PLEKHG3: variants seen among roughly 807,000 people sequenced by gnomAD.
The protein encoded by PLEKHG3 is pleckstrin homology and RhoGEF domain containing G3.
A neutral mutation model predicts 94.9 loss-of-function variants in PLEKHG3; 62 were observed. The ratio of observed to expected loss-of-function variants is 0.65; its 90% CI spans 0.53 to 0.81. PLEKHG3 has a LOEUF of 0.81. Ranked by LOEUF, PLEKHG3 falls within the 30% of genes least tolerant of loss-of-function variation. The pLI, the probability that PLEKHG3 is intolerant of heterozygous loss-of-function variation, is 0.00. For synonymous variants in PLEKHG3, 614 were observed against 654.0 expected (o/e 0.94, Z 0.93); for missense variants, 1,461 against 1,619.3 (o/e 0.90, Z 1.68).
chr14:64,721,445 C>A lies in PLEKHG3; in HGVS notation c.-39-6148C>A, dbSNP rs74056398. 9.3e-3 allele frequency among the ~76,000 whole-genome samples: 1,418 copies of A among 152,284 alleles called. 21 individuals are homozygous for A. The highest frequency in any genetic ancestry group is 0.032 in the African/African-American group (1,342 of 41,554). On this transcript the variant is annotated intron_variant, in intron 1 of 16. Transcript: ENST00000247226. The surrounding 1 kb of genome is among the most constrained non-coding windows in gnomAD (Gnocchi z 4.3). ...GGAGGGCTCCCCTGGCAACACAATC[C>A]TTTTCCTTCCTGGCAGCTGTGGTCC...
chr14:64,730,632 CTCT>C lies in PLEKHG3; in HGVS notation c.520-5_520-3del. 1 of 1,604,850 alleles carries C rather than the reference CTCT, an allele frequency of 6.2e-7. No homozygotes were observed. The highest frequency in any genetic ancestry group is 8.5e-7 in the Non-Finnish European group (1 of 1,172,786). ...TCTCCCTGAAATCACTATTTTTGAT[CTCT>C]TCTTAGAGCCAAGAGTTTGATATCT... On this transcript the variant is annotated splice_region_variant and splice_polypyrimidine_tract_variant and intron_variant, in intron 4 of 16. Transcript: ENST00000247226. The surrounding 1 kb of genome is among the most constrained non-coding windows in gnomAD (Gnocchi z 5.4).
Position 64,718,378 on chromosome 14 carries a change from T to C in PLEKHG3, c.-39-9215T>C, listed in dbSNP as rs1299573059. ...TGAATTCCCAAACTGGAGGCAGTCT[T>C]GAACTCCCATACTGCTCATGCCTGG... is the stretch of plus-strand genomic sequence containing the variant. On this transcript the variant is annotated intron_variant, in intron 1 of 16. Coordinates refer to ENST00000247226, the MANE Select transcript of PLEKHG3 (RefSeq NM_001308147.2). The surrounding 1 kb of genome is among the most constrained non-coding windows in gnomAD (Gnocchi z 5.0). Among the ~76,000 whole-genome samples the C allele has an allele frequency of 6.6e-6, 1 of 152,184 alleles. No homozygotes were observed. The highest frequency in any genetic ancestry group is 1.9e-4 in the East Asian group (1 of 5,180).
Position 64,738,679 on chromosome 14 carries a change from G to T in PLEKHG3, c.1405-63G>T. On this transcript the variant is annotated intron_variant, in intron 14 of 16. Coordinates refer to ENST00000247226, the MANE Select transcript of PLEKHG3 (RefSeq NM_001308147.2). This position sits in a 1 kb window ranked among gnomAD's most constrained non-coding sequence, Gnocchi z 4.8. ...GGGCGTGGGAGGCACTGCCCGTGTT[G>T]GGATGCAGAAGGGATCAGCTTCCAG... 1 of 1,177,284 alleles carries T rather than the reference G, an allele frequency of 8.5e-7. No homozygotes were observed. Among genetic ancestry groups the T allele is most frequent in the East Asian group, 2.6e-5 (1 of 39,160 alleles). The allele number at this position is 1,177,284 out of a possible 1,614,324, so 72.9% of individuals were successfully genotyped here.
chr14:64,724,868 T>A (rs2081324249), intron 1 of PLEKHG3, among the ~76,000 whole-genome samples: 1 of 152,196 alleles, frequency 6.6e-6, no homozygotes, highest in South Asian at 2.1e-4. Flanking sequence ...TTCTGTGGCC[T>A]CAGTACCTGC....
Position 64,739,333 on chromosome 14 carries a change from T to A in PLEKHG3, c.1518+478T>A, listed in dbSNP as rs1197735776. On this transcript the variant is annotated intron_variant, in intron 15 of 16. Transcript: ENST00000247226. The surrounding 1 kb of genome is among the most constrained non-coding windows in gnomAD (Gnocchi z 4.1). ...GCTCTAGAAGGAAAAGGGCACTGAG[T>A]GGTTGATGGCGTGCCTAACACTGAG... Among the ~76,000 whole-genome samples the A allele has an allele frequency of 2.0e-5, 3 of 152,100 alleles. No individual in the cohort carries two copies. Among genetic ancestry groups the A allele is most frequent in the African/African-American group, 7.2e-5 (3 of 41,418 alleles).
chr14:64,723,721 A>G lies in PLEKHG3; in HGVS notation c.-39-3872A>G, dbSNP rs106111. On this transcript the variant is annotated intron_variant, in intron 1 of 16. Coordinates refer to ENST00000247226, the MANE Select transcript of PLEKHG3 (RefSeq NM_001308147.2). This position sits in a 1 kb window ranked among gnomAD's most constrained non-coding sequence, Gnocchi z 4.5. ...TCACCATGTTGGCCTGGCCAGTCTC[A>G]AACTCCTGACCTCAAGTGATCTGCC... 0.36 allele frequency: 55,246 copies of G among 151,918 alleles called. 11,755 individuals carry two copies. Among genetic ancestry groups the G allele is most frequent in the African/African-American group, 0.59 (24,489 of 41,406 alleles). The allele number at this position is 151,918 out of a possible 1,614,324, so 9.4% of individuals were successfully genotyped here. A position where few individuals can be genotyped will look rare whatever the true frequency, so the allele number is the denominator to read the frequency against.
Position 64,749,599 on chromosome 14 carries a change from G to A in PLEKHG3, c.*5896G>A, listed in dbSNP as rs1465533203. ...GGGGCCTCCAGGGCAAGCGGCCTGGGGTCCTCCACCTACCCCCTTCTTAGC... is the reference window on the plus strand; with the variant it reads ...GGGGCCTCCAGGGCAAGCGGCCTGGAGTCCTCCACCTACCCCCTTCTTAGC... On this transcript the variant is annotated 3_prime_UTR_variant, in exon 17 of 17. Transcript: ENST00000247226. This position sits in a 1 kb window ranked among gnomAD's most constrained non-coding sequence, Gnocchi z 4.7. The A allele has an allele frequency of 9.9e-6, 16 of 1,610,904 alleles. No homozygotes were observed. In the East Asian group the frequency reaches 3.3e-4, roughly 34 times the overall value.
rs796958671 is a variant in PLEKHG3 at position 64,718,997 on chromosome 14, A to G, written c.-39-8596A>G. Among the ~76,000 whole-genome samples the G allele has an allele frequency of 2.0e-5, 3 of 151,890 alleles. No homozygotes were observed. The South Asian group carries it at 6.2e-4, about 32-fold the overall frequency. ...GTCTCTCCGTGTGGATCCCAGAGGAATGCGCCTCTGGGATCTGCTATAGCT... is the reference window on the plus strand; with the variant it reads ...GTCTCTCCGTGTGGATCCCAGAGGAGTGCGCCTCTGGGATCTGCTATAGCT... On this transcript the variant is annotated intron_variant, in intron 1 of 16. Transcript: ENST00000247226. The surrounding 1 kb of genome is among the most constrained non-coding windows in gnomAD (Gnocchi z 5.0).
chr14:64,739,791 A>G lies in PLEKHG3; in HGVS notation c.1518+936A>G, dbSNP rs571216230. Among the ~76,000 whole-genome samples the G allele has an allele frequency of 3.3e-4, 50 of 152,228 alleles. No homozygotes were observed. Among genetic ancestry groups the G allele is most frequent in the Non-Finnish European group, 7.4e-5 (5 of 67,998 alleles). On this transcript the variant is annotated intron_variant, in intron 15 of 16. Transcript: ENST00000247226. The surrounding 1 kb of genome is among the most constrained non-coding windows in gnomAD (Gnocchi z 4.1). The stretch of plus-strand genomic sequence containing the variant: ...CTCCCTTGATCCTCATTTGTAAGGG[A>G]TCTGACCCCACTCATGAGGATGGAG...
In PLEKHG3 at chr14:64,717,739, GTC is replaced by G. The variant is rs1391212540; in HGVS notation, c.-39-9850_-39-9849del. The stretch of plus-strand genomic sequence containing the variant: ...CGATCTCTCGCTCCTCCTCGAAGCT[GTC>G]TCTGAATAGCCAGCACCTTCCTGGG... On this transcript the variant is annotated intron_variant, in intron 1 of 16. Transcript: ENST00000247226. The surrounding 1 kb of genome is among the most constrained non-coding windows in gnomAD (Gnocchi z 4.7). Among the ~76,000 whole-genome samples the G allele has an allele frequency of 1.3e-5, 2 of 152,254 alleles. No individual in the cohort carries two copies. Among genetic ancestry groups the G allele is most frequent in the Admixed American group, 6.5e-5 (1 of 15,290 alleles).
chr14:64,732,497 C>T lies in PLEKHG3; in HGVS notation c.1246+37C>T, dbSNP rs200184180. On this transcript the variant is annotated intron_variant, in intron 11 of 16. Transcript: ENST00000247226. This position sits in a 1 kb window ranked among gnomAD's most constrained non-coding sequence, Gnocchi z 4.9. ...CTTTTCTGCCTGTTTTGTCCCTAAT[C>T]GTGCACATTGCTAGGTCAGGCTGCA... 68 of 1,580,476 alleles carry T rather than the reference C, an allele frequency of 4.3e-5. 1 individual carries two copies. Among genetic ancestry groups the T allele is most frequent in the African/African-American group, 3.8e-4 (28 of 74,384 alleles).
rs866172789 is a variant in PLEKHG3, at chr14:64,711,908, A to G, written c.-40+7204A>G. On this transcript the variant is annotated intron_variant, in intron 1 of 16. Coordinates refer to ENST00000247226, the MANE Select transcript of PLEKHG3 (RefSeq NM_001308147.2). ...CTTTTGGTGTTACACCTAAGAAACC[A>G]TTGCTCACTCAGGTTCATAAAGATT... 4.6e-5 allele frequency among the ~76,000 whole-genome samples: 7 copies of G among 152,184 alleles called. No homozygotes were observed. In the South Asian group the frequency reaches 1.0e-3, roughly 22 times the overall value.
intron 1 of PLEKHG3, among the ~76,000 whole-genome samples, chr14:64,708,632 C>G (rs2081012347): frequency 6.6e-6 from 1 of 152,178 alleles, no homozygotes; most frequent in Non-Finnish European, 1.5e-5. Context: ...CCCAGCTGAT[C>G]TGCTGAGTCT....
At position 64,716,492 on chromosome 14, in the gene PLEKHG3, ACACAACACACACACAC is replaced by A. The variant is rs1566694082; in HGVS notation, c.-39-11100_-39-11085del. On this transcript the variant is annotated intron_variant, in intron 1 of 16. Coordinates refer to ENST00000247226, the MANE Select transcript of PLEKHG3 (RefSeq NM_001308147.2). This position sits in a 1 kb window ranked among gnomAD's most constrained non-coding sequence, Gnocchi z 5.0. The stretch of plus-strand genomic sequence containing the variant: ...ACACACACACACACAACACACACAC[ACACAACACACACACAC>A]ACACACACACACACACACACACACA... 7.5e-5 allele frequency among the ~76,000 whole-genome samples: 7 copies of A among 92,744 alleles called. No homozygotes were observed. The highest frequency in any genetic ancestry group is 1.6e-4 in the Non-Finnish European group (7 of 45,118). The allele number at this position is 92,744 out of a possible 152,430, so 60.8% of individuals were successfully genotyped here. A position where few individuals can be genotyped will look rare whatever the true frequency, so the allele number is the denominator to read the frequency against.
rs1031447749 is a variant in PLEKHG3, at chr14:64,749,058, A to G, written c.*5355A>G. On this transcript the variant is annotated 3_prime_UTR_variant, in exon 17 of 17. Coordinates refer to ENST00000247226, the MANE Select transcript of PLEKHG3 (RefSeq NM_001308147.2). This position sits in a 1 kb window ranked among gnomAD's most constrained non-coding sequence, Gnocchi z 4.7. Reference sequence around the variant, plus strand: ...TCCTGCCCCCAGGCCTGGAGGCCCCAAAGGCGCCAGAGGAGCTGGGAGCCC... The same window carrying G: ...TCCTGCCCCCAGGCCTGGAGGCCCCGAAGGCGCCAGAGGAGCTGGGAGCCC... 2 of 422,504 alleles carry G rather than the reference A, an allele frequency of 4.7e-6. No homozygotes were observed. Among genetic ancestry groups the G allele is most frequent in the Non-Finnish European group, 8.5e-6 (2 of 235,792 alleles). The allele number at this position is 422,504 out of a possible 1,614,324, so 26.2% of individuals were successfully genotyped here.
At chr14:64,705,549 G>A (rs2080957784) in intron 1 of PLEKHG3, among the ~76,000 whole-genome samples, 1 of 152,152 alleles carries the variant, frequency 6.6e-6, no homozygotes, top group Non-Finnish European at 1.5e-5. Flanking sequence ...CCTGCTCTGG[G>A]GGCCCCAGCA....
In PLEKHG3 at chr14:64,737,085, C is replaced by T. The variant is rs1462459579; in HGVS notation, c.1384+194C>T. On this transcript the variant is annotated intron_variant, in intron 13 of 16. Coordinates refer to ENST00000247226, the MANE Select transcript of PLEKHG3 (RefSeq NM_001308147.2). ...GAGGAGAGGGGCTGGAGCTCTCCCC[C>T]ATGCACAGGCCTCATGCCCTTTCCT... The T allele has an allele frequency of 9.0e-6, 6 of 668,394 alleles. No homozygotes were observed. In the East Asian group the frequency reaches 1.4e-4, roughly 15 times the overall value. 41.4% of individuals were successfully genotyped at this position (668,394 alleles called of 1,614,324 possible).
At chr14:64,713,254 T>G (rs928069740) in intron 1 of PLEKHG3, among the ~76,000 whole-genome samples, 6 of 152,220 alleles carry the variant, frequency 3.9e-5, no homozygotes, top group African/African-American at 1.4e-4. Context: ...GGATTGTAGG[T>G]TTCTTTTTTC....
Position 64,716,095 on chromosome 14 carries a change from A to G in PLEKHG3, c.-40+11391A>G. On this transcript the variant is annotated intron_variant, in intron 1 of 16. Transcript: ENST00000247226. This position sits in a 1 kb window ranked among gnomAD's most constrained non-coding sequence, Gnocchi z 5.0. ...TGGGAGCTCTCCTGAGGAAAGCGGT[A>G]GGTACCCGGCTGGGGCCAGGCCAGG... is the stretch of plus-strand genomic sequence containing the variant. The G allele has an allele frequency of 2.2e-6, 1 of 455,940 alleles. No homozygotes were observed. Among genetic ancestry groups the G allele is most frequent in the Non-Finnish European group, 4.4e-6 (1 of 226,556 alleles). The allele number at this position is 455,940 out of a possible 1,614,324, so 28.2% of individuals were successfully genotyped here. A position where few individuals can be genotyped will look rare whatever the true frequency, so the allele number is the denominator to read the frequency against.
Sources: allele counts gnomAD v4.1 joint callset (sites outside exome capture counted in the v4.1 genomes callset), GRCh38; gene constraint gnomAD v4.1.1; non-coding constraint Gnocchi (gnomAD v3.1); transcripts MANE v1.5; gene names NCBI Gene and HGNC (gene_info 2026-07-23, HGNC 2026-07-21).